The following DPP6 variants were observed in gnomAD, a reference collection of about 807,000 sequenced individuals.
The protein encoded by DPP6 is A-type potassium channel modulatory protein DPP6.
Under a neutral mutation model 122.6 loss-of-function variants are expected in DPP6, and 69 were observed. The ratio of observed to expected loss-of-function variants is 0.56; its 90% CI spans 0.46 to 0.69. The LOEUF is 0.69. Ranked by LOEUF, DPP6 falls within the 30% of genes least tolerant of loss-of-function variation. DPP6 has a pLI of 0.00. For missense variants in DPP6, 928 were observed against 1,116.9 expected (o/e 0.83, Z 2.41); for synonymous variants, 418 against 433.1 (o/e 0.97, Z 0.43).
intron 13 of DPP6, among the ~76,000 whole-genome samples, chr7:154,802,982 C>G (rs115786971): frequency 0.023 from 3,451 of 152,344 alleles, 117 homozygotes; most frequent in African/African-American, 0.078. Flanking sequence ...CCATGAGGCA[C>G]CACCTCCTGC....
chr7:154,322,037 CACCCCCAACCCCCA>C (rs562278342), intron 1 of DPP6, among the ~76,000 whole-genome samples: 1 of 150,594 alleles, frequency 6.6e-6, no homozygotes, highest in Non-Finnish European at 1.5e-5. Context: ...TCTACAACCA[CACCCCCAACCCCCA>C]ACCCCCAACC....
intron 5 of DPP6, among the ~76,000 whole-genome samples, chr7:154,585,016 G>A (rs921539970): frequency 6.6e-6 from 1 of 152,092 alleles, no homozygotes; most frequent in Admixed American, 6.6e-5. Context: ...CACAAATTGG[G>A]ATATGGAACA....
the DPP6 span, among the ~76,000 whole-genome samples, chr7:153,877,610 A>C: frequency 6.6e-6 from 1 of 152,182 alleles, no homozygotes; most frequent in African/African-American, 2.4e-5. Flanking sequence ...ATGTTGACTG[A>C]AATGTTATGT....
chr7:153,986,017 G>A (rs1447743371), intron 1 of DPP6, among the ~76,000 whole-genome samples: 1 of 152,200 alleles, frequency 6.6e-6, no homozygotes, highest in Non-Finnish European at 1.5e-5. Flanking sequence ...CCTCCAGAGA[G>A]AGAAAGGGAG....
chr7:154,090,639 C>CTT (rs1340572689), intron 1 of DPP6, among the ~76,000 whole-genome samples: 1 of 151,952 alleles, frequency 6.6e-6, no homozygotes, highest in African/African-American at 2.4e-5. Context: ...GGACTTGCTG[C>CTT]TTCTGGTCCG....
At chr7:154,377,415 A>G (rs918695483) in intron 1 of DPP6, among the ~76,000 whole-genome samples, 4 of 152,132 alleles carry the variant, frequency 2.6e-5, no homozygotes, top group South Asian at 4.1e-4. Flanking sequence ...TAAAAGCCCA[A>G]GCAGTCTAAT....
chr7:154,795,931 C>T (rs1473539550), intron 12 of DPP6, 48 bp downstream of exon 12: 2 of 1,584,464 alleles, frequency 1.3e-6, no homozygotes, highest in Non-Finnish European at 1.7e-6. Flanking sequence ...ACCTGATCCA[C>T]CCCAGGGCTG....
intron 1 of DPP6, among the ~76,000 whole-genome samples, chr7:154,398,809 A>G (rs548313006): frequency 5.5e-4 from 83 of 152,260 alleles, no homozygotes; most frequent in African/African-American, 1.9e-3. Flanking sequence ...TATCACTTCT[A>G]TCTATCTCAG....
At chr7:153,765,070 C>T in the DPP6 span, among the ~76,000 whole-genome samples, 16 of 151,682 alleles carry the variant, frequency 1.1e-4, no homozygotes, top group Non-Finnish European at 2.2e-4. Flanking sequence ...CTTCTTCCTC[C>T]ACCCAAAAGA....
At chr7:154,134,139 G>C (rs1359747561) in intron 1 of DPP6, among the ~76,000 whole-genome samples, 7 of 152,100 alleles carry the variant, frequency 4.6e-5, no homozygotes, top group African/African-American at 1.7e-4. Context: ...GAGATACGTA[G>C]TTTCTGGATA....
intron 1 of DPP6, among the ~76,000 whole-genome samples, chr7:154,226,192 G>A (rs12674128): frequency 0.21 from 32,507 of 152,078 alleles, 6,326 homozygotes; most frequent in African/African-American, 0.52. Context: ...GAGGGAAGGT[G>A]GAGTCCTCAC....
At chr7:154,060,688 G>C (rs201645349) in intron 1 of DPP6, among the ~76,000 whole-genome samples, 36 of 105,800 alleles carry the variant, frequency 3.4e-4, no homozygotes, top group African/African-American at 9.7e-4. Context: ...CCCCTCTTCC[G>C]CCCCTGGCTG....
At chr7:154,843,235 G>C (rs1335777793) in intron 16 of DPP6, among the ~76,000 whole-genome samples, 1 of 152,240 alleles carries the variant, frequency 6.6e-6, no homozygotes, top group African/African-American at 2.4e-5. Context: ...CCGGGAAGTA[G>C]AGGTTGCAGT....
At chr7:154,042,636 C>G (rs888444588) in intron 1 of DPP6, among the ~76,000 whole-genome samples, 3 of 152,100 alleles carry the variant, frequency 2.0e-5, no homozygotes, top group African/African-American at 4.8e-5. Context: ...TGACATTATC[C>G]CTGAGCTAAA....
At chr7:154,306,147 C>T (rs978321366) in intron 1 of DPP6, among the ~76,000 whole-genome samples, 1 of 152,160 alleles carries the variant, frequency 6.6e-6, no homozygotes, top group African/African-American at 2.4e-5. Context: ...AAGGAGGACT[C>T]GGCCGAGAAG....
intron 5 of DPP6, among the ~76,000 whole-genome samples, chr7:154,636,077 T>G (rs1374818956): frequency 6.6e-6 from 1 of 152,194 alleles, no homozygotes; most frequent in Non-Finnish European, 1.5e-5. Flanking sequence ...CTTCTTCTCT[T>G]TCTGTGCCTC....
At chr7:154,107,358 G>A (rs1003176930) in intron 1 of DPP6, among the ~76,000 whole-genome samples, 1 of 152,198 alleles carries the variant, frequency 6.6e-6, no homozygotes, top group African/African-American at 2.4e-5. Flanking sequence ...ACCACATTAT[G>A]TCACTTGTGT....
chr7:154,408,620 C>T (rs575394988), intron 1 of DPP6, among the ~76,000 whole-genome samples: 1 of 152,298 alleles, frequency 6.6e-6, no homozygotes, highest in South Asian at 2.1e-4. Flanking sequence ...CGGCTATTAA[C>T]TCAACTATAG....
At chr7:154,619,971 G>A (rs139369610) in intron 5 of DPP6, among the ~76,000 whole-genome samples, 83 of 152,336 alleles carry the variant, frequency 5.4e-4, no homozygotes, top group South Asian at 3.1e-3. Flanking sequence ...GCACAGCTTT[G>A]TCAAAATGCA....
Sources: allele counts gnomAD v4.1 joint callset (sites outside exome capture counted in the v4.1 genomes callset), GRCh38; gene constraint gnomAD v4.1.1; transcripts MANE v1.5; gene names NCBI Gene and HGNC (gene_info 2026-07-23, HGNC 2026-07-21).